The following STK10 variants were observed in gnomAD, a reference collection of about 807,000 sequenced individuals.
STK10 encodes serine/threonine kinase 10, also known as serine/threonine-protein kinase 10.
STK10 carries 78 observed loss-of-function variants against 113.8 expected under a neutral mutation model. That is an observed-to-expected ratio of 0.69 (90% CI 0.57 to 0.83). The LOEUF (loss-of-function observed/expected upper bound fraction) is 0.83, where lower values mean the gene tolerates loss of function less well. Among genes scored for constraint, STK10 ranks in the 40% least tolerant of loss-of-function variants. The pLI is 0.00. For synonymous variants in STK10, 465 were observed against 494.7 expected, an observed-to-expected ratio of 0.94 and a Z score of 0.80; for missense variants, 1,109 against 1,280.1, an observed-to-expected ratio of 0.87 and a Z score of 2.04.
At position 172,127,844 on chromosome 5, in the gene STK10, C is replaced by T. The variant is rs75864143; in HGVS notation, c.322-423G>A. ...AAGCTGGCCAAGTCCTCTCAGAATC[C>T]CAGCACCTGTCTCAGGCTCTCTCCA... is the stretch of plus-strand genomic sequence containing the variant. On this transcript the variant is annotated intron_variant, in intron 2 of 18. Transcript: ENST00000176763. 9.8e-4 allele frequency among the ~76,000 whole-genome samples: 149 copies of T among 152,322 alleles called. No homozygotes were observed. In the East Asian group the frequency reaches 0.021, roughly 22 times the overall value.
intron 1 of STK10, among the ~76,000 whole-genome samples, chr5:172,162,088 C>A (rs1218308275): frequency 1.3e-5 from 2 of 152,162 alleles, no homozygotes; most frequent in Non-Finnish European, 2.9e-5. Flanking sequence ...CGATTGTAAT[C>A]CCAGCACTTT....
chr5:172,117,556 G>C lies in STK10; in HGVS notation c.445C>G (p.His149Asp). 6.2e-7 allele frequency: 1 copy of C among 1,613,258 alleles called. No individual in the cohort carries two copies. Among genetic ancestry groups the C allele is most frequent in the African/African-American group, 1.3e-5 (1 of 74,750 alleles). ...TCTCGGTGGATGATCCTCTTGCTGT[G>C]CAGGAAGTTGAGGGCTTCTAGCATC... is the stretch of plus-strand genomic sequence containing the variant. ...RQMLEALNFL[H>D]SKRIIHRDLK... Residue 149 changes from histidine to aspartate, a missense_variant, in exon 4 of 19, where the codon CAC becomes GAC. His to Asp is a moderately conservative substitution (Grantham distance 81, BLOSUM62 -1). Coordinates refer to ENST00000176763, the MANE Select transcript of STK10 (RefSeq NM_005990.4).
At chr5:172,084,796 C>T (rs191365491) in intron 10 of STK10, among the ~76,000 whole-genome samples, 47 of 151,978 alleles carry the variant, frequency 3.1e-4, no homozygotes, top group East Asian at 1.4e-3. Flanking sequence ...ACTTACTGAA[C>T]GAGCATCCCT....
chr5:172,084,469 A>G (rs1051303115), intron 10 of STK10, among the ~76,000 whole-genome samples: 1 of 151,914 alleles, frequency 6.6e-6, no homozygotes, highest in African/African-American at 2.4e-5. Context: ...GGTAAAAAAA[A>G]GCAAGATATT....
At chr5:172,180,092 C>A (rs1770824897) in intron 1 of STK10, among the ~76,000 whole-genome samples, 1 of 152,178 alleles carries the variant, frequency 6.6e-6, no homozygotes, top group Admixed American at 6.5e-5. Flanking sequence ...ACAAAGGGGA[C>A]CTGTATTAAT....
At chr5:172,140,158 T>C (rs756368606) in intron 2 of STK10, among the ~76,000 whole-genome samples, 2 of 152,100 alleles carry the variant, frequency 1.3e-5, no homozygotes, top group African/African-American at 2.4e-5. Context: ...AAAGACGACA[T>C]ACAAATGTCC....
At chr5:172,096,829 A>C (rs1768865990) in intron 7 of STK10, among the ~76,000 whole-genome samples, 1 of 152,206 alleles carries the variant, frequency 6.6e-6, no homozygotes, top group Non-Finnish European at 1.5e-5. Context: ...TCAAGTGGAC[A>C]CGTTAACAAT....
intron 1 of STK10, among the ~76,000 whole-genome samples, chr5:172,159,385 T>A (rs1770420568): frequency 6.6e-6 from 1 of 151,710 alleles, no homozygotes; most frequent in Non-Finnish European, 1.5e-5. Flanking sequence ...CAAAAAAAAA[T>A]GCAAAAACTA....
chr5:172,099,658 G>GAGAACCAAGATCCCAAAGA (rs1768938435), intron 7 of STK10, among the ~76,000 whole-genome samples: 1 of 152,100 alleles, frequency 6.6e-6, no homozygotes, highest in Non-Finnish European at 1.5e-5. Context: ...GATCCCAAAG[G>GAGAACCAAGATCCCAAAGA]TGAGAACCAA....
rs559870665 is a variant in STK10 at position 172,164,920 on chromosome 5, C to T, written c.157-8132G>A. Among the ~76,000 whole-genome samples, 11 of 152,342 alleles carry T rather than the reference C, an allele frequency of 7.2e-5. No individual in the cohort carries two copies. In the East Asian group the frequency reaches 1.3e-3, roughly 19 times the overall value. ...TCCACTGCTGGCTGGCAGTGACTAA[C>T]GCCTCAGCCCACACCCTTGCGAGCA... On this transcript the variant is annotated intron_variant, in intron 1 of 18. Coordinates refer to ENST00000176763, the MANE Select transcript of STK10 (RefSeq NM_005990.4).
chr5:172,104,570 C>T (rs929421369), intron 7 of STK10, among the ~76,000 whole-genome samples: 8 of 152,096 alleles, frequency 5.3e-5, no homozygotes, highest in Non-Finnish European at 1.0e-4. Flanking sequence ...AAATGGATGT[C>T]GATGCTGTGT....
chr5:172,165,633 C>CA (rs11420258), intron 1 of STK10, among the ~76,000 whole-genome samples: 97,229 of 151,954 alleles, frequency 0.64, 31,878 homozygotes, highest in African/African-American at 0.8. Flanking sequence ...CACCCTGGGC[C>CA]GGGGCATACC....
chr5:172,076,182 A>T (rs144914094), intron 12 of STK10, among the ~76,000 whole-genome samples: 16,541 of 75,734 alleles, frequency 0.22, 207 homozygotes, highest in African/African-American at 0.36. Flanking sequence ...CCTGTGCGTT[A>T]GTTGTGGGGG....
chr5:172,048,458 CT>C (rs1767547698), intron 18 of STK10, among the ~76,000 whole-genome samples: 3 of 150,952 alleles, frequency 2.0e-5, no homozygotes, highest in Non-Finnish European at 2.9e-5. Context: ...CACACATCCT[CT>C]CTCTATCTTG....
chr5:172,053,563 CTGAGG>C (rs1767679100), intron 17 of STK10, among the ~76,000 whole-genome samples: 1 of 152,206 alleles, frequency 6.6e-6, no homozygotes, highest in Admixed American at 6.5e-5. Context: ...TGTTCTTTCT[CTGAGG>C]TAAGTTATCT....
rs149008648 is a variant in STK10 at position 172,091,692 on chromosome 5, G to A, written c.1555-1330C>T. Among the ~76,000 whole-genome samples the A allele has an allele frequency of 7.6e-3, 1,161 of 152,206 alleles. 19 individuals are homozygous for A. Among genetic ancestry groups the A allele is most frequent in the African/African-American group, 0.026 (1,082 of 41,536 alleles). On this transcript the variant is annotated intron_variant, in intron 9 of 18. Transcript: ENST00000176763. ...ATTACAGGCATGCGCCACCACGCCC[G>A]GCTAATTTTTTAATTTTTTTAAGTA...
At chr5:172,050,773 T>C (rs747963967) in intron 18 of STK10, among the ~76,000 whole-genome samples, 4 of 151,946 alleles carry the variant, frequency 2.6e-5, no homozygotes, top group Admixed American at 2.6e-4. Flanking sequence ...AGTGCAGTAG[T>C]GCAATCATGG....
At chr5:172,101,975 G>T (rs576298273) in intron 7 of STK10, among the ~76,000 whole-genome samples, 3 of 151,762 alleles carry the variant, frequency 2.0e-5, no homozygotes, top group Non-Finnish European at 4.4e-5. Flanking sequence ...GGGTGGGGGG[G>T]GCGGATCACA....
chr5:172,167,593 G>A (rs1444751195), intron 1 of STK10, among the ~76,000 whole-genome samples: 1 of 152,206 alleles, frequency 6.6e-6, no homozygotes, highest in Admixed American at 6.5e-5. Context: ...CTTCATCTGA[G>A]CTTGCCTTAC....
Sources: allele counts gnomAD v4.1 joint callset (sites outside exome capture counted in the v4.1 genomes callset), GRCh38; gene constraint gnomAD v4.1.1; transcripts MANE v1.5; gene names NCBI Gene and HGNC (gene_info 2026-07-23, HGNC 2026-07-21).